The following SHB variants were observed in gnomAD, a reference collection of about 807,000 sequenced individuals.
SHB encodes SH2 domain-containing adapter protein B.
A neutral mutation model predicts 52.3 loss-of-function variants in SHB; 20 were observed. The ratio of observed to expected loss-of-function variants is 0.38; its 90% confidence interval spans 0.27 to 0.56. SHB has a LOEUF of 0.56. SHB is among the 20% of genes least tolerant of loss of function. SHB has a pLI of 0.71. For synonymous variants in SHB, 397 were observed against 316.5 expected (o/e 1.25, Z -2.70); for missense variants, 825 against 723.3 (o/e 1.14, Z -1.61).
intron 2 of SHB, among the ~76,000 whole-genome samples, chr9:38,013,227 G>C (rs4878736): frequency 0.43 from 65,478 of 152,150 alleles, 14,448 homozygotes; most frequent in Middle Eastern, 0.51. Flanking sequence ...TCTTTGGAGA[G>C]AGAATGCATG....
At chr9:37,943,730 G>A (rs1358611940) in intron 5 of SHB, among the ~76,000 whole-genome samples, 2 of 152,184 alleles carry the variant, frequency 1.3e-5, no homozygotes, top group African/African-American at 4.8e-5. Flanking sequence ...TGAGGGCAGA[G>A]CCTGCCCAGC....
intron 1 of SHB, among the ~76,000 whole-genome samples, chr9:38,032,883 G>C (rs1821434447): frequency 6.6e-6 from 1 of 152,234 alleles, no homozygotes; most frequent in African/African-American, 2.4e-5. Flanking sequence ...AGGCAGAGGA[G>C]GGAATGACAG....
intron 1 of SHB, among the ~76,000 whole-genome samples, chr9:38,040,629 G>A (rs892464436): frequency 2.0e-5 from 3 of 152,250 alleles, no homozygotes; most frequent in East Asian, 1.9e-4. Flanking sequence ...AGGAGGTGGC[G>A]GTCTTTCCTG....
At position 37,930,425 on chromosome 9, in the gene SHB, G is replaced by A. The variant is rs551640110; in HGVS notation, c.1347-10421C>T. Among the ~76,000 whole-genome samples the A allele has an allele frequency of 3.7e-3, 566 of 152,194 alleles. 2 individuals carry two copies. The highest frequency in any genetic ancestry group is 6.2e-3 in the Non-Finnish European group (420 of 67,986). ...GCTGGGGTGGGGGATGTGGCAGGGG[G>A]AGGGGACATGCAGGGAGGGGAGAGG... On this transcript the variant is annotated intron_variant, in intron 5 of 5. Coordinates refer to ENST00000377707, the MANE Select transcript of SHB (RefSeq NM_003028.3).
At chr9:37,955,255 T>C (rs1025250607) in intron 4 of SHB, among the ~76,000 whole-genome samples, 1 of 152,212 alleles carries the variant, frequency 6.6e-6, no homozygotes, top group African/African-American at 2.4e-5. Context: ...CTGTAGACTC[T>C]TTTGCAGTTC....
At position 38,044,318 on chromosome 9, in the gene SHB, T is replaced by C. The variant is rs553245341; in HGVS notation, c.717+23611A>G. ...CTCAATTAACTCCTTAGTATGGTAT[T>C]TGCAGCCCTTCAATCTGGCTGCAAC... On this transcript the variant is annotated intron_variant, in intron 1 of 5. Coordinates refer to ENST00000377707, the MANE Select transcript of SHB (RefSeq NM_003028.3). 5.3e-5 allele frequency among the ~76,000 whole-genome samples: 8 copies of C among 152,334 alleles called. No homozygotes were observed. In the East Asian group the frequency reaches 1.3e-3, roughly 26 times the overall value.
At chr9:37,936,980 T>C (rs1465002724) in intron 5 of SHB, among the ~76,000 whole-genome samples, 1 of 152,202 alleles carries the variant, frequency 6.6e-6, no homozygotes, top group Admixed American at 6.5e-5. Context: ...CTTCCCCAGT[T>C]TTCTCCTCTC....
At chr9:38,049,635 CAAAAAAA>C (rs147034881) in intron 1 of SHB, among the ~76,000 whole-genome samples, 1 of 68,512 alleles carries the variant, frequency 1.5e-5, no homozygotes, top group African/African-American at 5.1e-5. Flanking sequence ...AAAAACAAAG[CAAAAAAA>C]AAAAAAAAAA....
chr9:37,923,991 C>T (rs1243233891), intron 5 of SHB, among the ~76,000 whole-genome samples: 4 of 152,248 alleles, frequency 2.6e-5, no homozygotes, highest in African/African-American at 2.4e-5. Flanking sequence ...TCAGCACCAT[C>T]GTCGTTCAGG....
In SHB at chr9:38,067,911, G is replaced by A. The variant is rs769484796; in HGVS notation, c.717+18C>T. 6.1e-6 allele frequency: 9 copies of A among 1,479,460 alleles called. No homozygotes were observed. In the South Asian group the frequency reaches 9.3e-5, roughly 15 times the overall value. 91.6% of individuals were successfully genotyped at this position (1,479,460 alleles called of 1,614,324 possible). ...CCGTGGCTCTGGAACCTCGGGAAGAGGCCAAGGGGCACCTTACCTTGTCCT... is the reference window on the plus strand; with the variant it reads ...CCGTGGCTCTGGAACCTCGGGAAGAAGCCAAGGGGCACCTTACCTTGTCCT... On this transcript the variant is annotated intron_variant, in intron 1 of 5. Transcript: ENST00000377707.
At chr9:37,997,593 G>A (rs1820961948) in intron 2 of SHB, among the ~76,000 whole-genome samples, 1 of 152,148 alleles carries the variant, frequency 6.6e-6, no homozygotes, top group Non-Finnish European at 1.5e-5. Flanking sequence ...ATCTCTGGAC[G>A]CCCAGTGTAG....
intron 4 of SHB, among the ~76,000 whole-genome samples, chr9:37,950,383 G>A (rs1408121882): frequency 2.0e-5 from 3 of 151,912 alleles, no homozygotes; most frequent in South Asian, 2.1e-4. Context: ...CTCCTGCCTC[G>A]GCCTCCCAAG....
intron 2 of SHB, among the ~76,000 whole-genome samples, chr9:37,976,280 C>G (rs1057481534): frequency 6.6e-6 from 1 of 152,186 alleles, no homozygotes; most frequent in Non-Finnish European, 1.5e-5. Context: ...ATGTGATCTC[C>G]CTGCCTCTGC....
intron 2 of SHB, among the ~76,000 whole-genome samples, chr9:37,981,115 T>C (rs1273795367): frequency 6.6e-6 from 1 of 152,244 alleles, no homozygotes; most frequent in African/African-American, 2.4e-5. Flanking sequence ...AGAGGCAGCC[T>C]GTCCTTTGAA....
chr9:37,993,061 C>T (rs1554703543), intron 2 of SHB, among the ~76,000 whole-genome samples: 3 of 152,100 alleles, frequency 2.0e-5, no homozygotes, highest in Non-Finnish European at 2.9e-5. Context: ...GCGAGGTGAG[C>T]GACAGGTGAA....
intron 5 of SHB, among the ~76,000 whole-genome samples, chr9:37,936,422 G>C (rs967032872): frequency 6.6e-6 from 1 of 152,162 alleles, no homozygotes; most frequent in Non-Finnish European, 1.5e-5. Context: ...TACCGACTGG[G>C]CTGACCTTTG....
At chr9:37,987,268 G>C (rs190798024) in intron 2 of SHB, among the ~76,000 whole-genome samples, 1 of 152,210 alleles carries the variant, frequency 6.6e-6, no homozygotes, top group Non-Finnish European at 1.5e-5. Flanking sequence ...CTGCGTGCTG[G>C]AGTCTGCTAA....
chr9:37,938,548 C>T (rs575004519), intron 5 of SHB, among the ~76,000 whole-genome samples: 12 of 152,330 alleles, frequency 7.9e-5, no homozygotes, highest in East Asian at 5.8e-4. Flanking sequence ...GCAACTGTCC[C>T]GGGGCACGAG....
At position 38,068,130 on chromosome 9, in the gene SHB, C is replaced by T; in HGVS notation, c.516G>A (p.Thr172=). ...GGGAGATGTAGCGCACCTCGGCCGG[C>T]GTGGCGGGCCGCCGCTCGCTGCTGC... The part of the protein sequence containing the change: ...YRSSSERRPA[T]PAEVRYISPK... Residue 172 remains threonine (T), a synonymous_variant, in exon 1 of 6, where the codon ACG becomes ACA. Coordinates refer to ENST00000377707, the MANE Select transcript of SHB (RefSeq NM_003028.3). 1 of 1,435,424 alleles carries T rather than the reference C, an allele frequency of 7.0e-7. No homozygotes were observed. 88.9% of individuals were successfully genotyped at this position (1,435,424 alleles called of 1,614,324 possible).
Sources: allele counts gnomAD v4.1 joint callset (sites outside exome capture counted in the v4.1 genomes callset), GRCh38; gene constraint gnomAD v4.1.1; transcripts MANE v1.5; gene names NCBI Gene and HGNC (gene_info 2026-07-23, HGNC 2026-07-21).